Variants in MEIS1 observed in about 807,000 individuals in gnomAD.
MEIS1 encodes Meis homeobox 1.
Under a neutral mutation model 50.8 loss-of-function variants are expected in MEIS1, and 5 were observed. The ratio of observed to expected loss-of-function variants is 0.10; its 90% CI spans 0.05 to 0.21. The LOEUF is 0.21. Ranked by LOEUF, MEIS1 falls within the 10% of genes least tolerant of loss-of-function variation. The pLI, the probability that MEIS1 is intolerant of heterozygous loss-of-function variation, is 1.00. For missense variants in MEIS1, 318 were observed against 517.3 expected (o/e 0.61, Z 3.74); for synonymous variants, 176 against 179.3 (o/e 0.98, Z 0.15).
At chr2:66,438,496 T>C (rs1671858414) in intron 2 of MEIS1, among the ~76,000 whole-genome samples, 1 of 152,246 alleles carries the variant, frequency 6.6e-6, no homozygotes, top group African/African-American at 2.4e-5. Flanking sequence ...TTTAGGGAGT[T>C]TGACCACTGA....
At chr2:66,510,893 A>G (rs1335428128) in intron 7 of MEIS1, among the ~76,000 whole-genome samples, 1 of 152,210 alleles carries the variant, frequency 6.6e-6, no homozygotes, top group African/African-American at 2.4e-5. Flanking sequence ...TCATGAAGCC[A>G]TGGAAATGAA....
At chr2:66,553,733 T>C (rs1341183024) in intron 9 of MEIS1, among the ~76,000 whole-genome samples, 1 of 152,230 alleles carries the variant, frequency 6.6e-6, no homozygotes, top group African/African-American at 2.4e-5. Context: ...CAATCTTCTT[T>C]GAAAATGACT....
At chr2:66,549,079 T>C (rs190891409) in intron 9 of MEIS1, among the ~76,000 whole-genome samples, 201 of 152,310 alleles carry the variant, frequency 1.3e-3, no homozygotes, top group Non-Finnish European at 2.5e-3. Flanking sequence ...TGGGAGCCTT[T>C]GGGAGAGATT....
chr2:66,494,553 G>A (rs1187393089), intron 7 of MEIS1, among the ~76,000 whole-genome samples: 1 of 152,174 alleles, frequency 6.6e-6, no homozygotes, highest in Non-Finnish European at 1.5e-5. Flanking sequence ...TTATAGTCTG[G>A]TAGGAATGCT....
chr2:66,532,261 A>G (rs1473920519), intron 8 of MEIS1, among the ~76,000 whole-genome samples: 2 of 152,206 alleles, frequency 1.3e-5, no homozygotes, highest in African/African-American at 4.8e-5. Context: ...GAACAGGGAA[A>G]AAGAGGTCTA....
chr2:66,527,240 C>G (rs1312763445), intron 8 of MEIS1, among the ~76,000 whole-genome samples: 1 of 152,060 alleles, frequency 6.6e-6, no homozygotes, highest in Non-Finnish European at 1.5e-5. Flanking sequence ...GGAACTGGGA[C>G]AGAAAAGGTT....
At chr2:66,503,490 C>G (rs1005009965) in intron 7 of MEIS1, among the ~76,000 whole-genome samples, 12 of 152,218 alleles carry the variant, frequency 7.9e-5, no homozygotes, top group African/African-American at 2.9e-4. Context: ...GTTTCACACA[C>G]TCATAGATGT....
intron 5 of MEIS1, among the ~76,000 whole-genome samples, chr2:66,442,605 C>T (rs908365711): frequency 4.3e-4 from 65 of 152,150 alleles, no homozygotes; most frequent in African/African-American, 1.5e-3. Context: ...ATGTCACCTA[C>T]GCAGGTCACC....
At chr2:66,542,907 A>G (rs1052107081) in intron 8 of MEIS1, among the ~76,000 whole-genome samples, 6 of 152,220 alleles carry the variant, frequency 3.9e-5, no homozygotes, top group African/African-American at 1.4e-4. Flanking sequence ...ATTAAGGTGT[A>G]AAGCTGGATA....
At chr2:66,509,217 A>C in intron 7 of MEIS1, 1 of 358,746 alleles carries the variant, frequency 2.8e-6, no homozygotes, top group Non-Finnish European at 5.7e-6. Context: ...CAATTTATTA[A>C]AATCTATGAA....
chr2:66,440,645 C>T (rs763746688), intron 4 of MEIS1, 33 bp downstream of exon 4: 2 of 1,326,160 alleles, frequency 1.5e-6, no homozygotes, highest in Non-Finnish European at 2.1e-6. Context: ...CTCCCCCGCC[C>T]CCGACCCCCT....
intron 7 of MEIS1, among the ~76,000 whole-genome samples, chr2:66,469,192 A>G (rs1054075195): frequency 1.2e-5 from 1 of 82,106 alleles, no homozygotes; most frequent in African/African-American, 1.1e-4. Context: ...AGTACCACTT[A>G]AAAAAAAAAA....
chr2:66,480,748 T>C (rs971220661), intron 7 of MEIS1, among the ~76,000 whole-genome samples: 4 of 151,914 alleles, frequency 2.6e-5, no homozygotes, highest in Non-Finnish European at 4.4e-5. Flanking sequence ...GAAAGAAGAG[T>C]TCCACTCTCT....
chr2:66,437,636 G>A (rs1281068657), intron 1 of MEIS1, 101 bp from the exon 2 acceptor site: 2 of 998,960 alleles, frequency 2.0e-6, no homozygotes, highest in East Asian at 2.6e-5. Flanking sequence ...CCGGGTGGAA[G>A]GACCCAGCTG....
At chr2:66,541,196 C>T (rs898168780) in intron 8 of MEIS1, among the ~76,000 whole-genome samples, 1 of 151,860 alleles carries the variant, frequency 6.6e-6, no homozygotes, top group Non-Finnish European at 1.5e-5. Flanking sequence ...CACCACCATG[C>T]CCAGCTAATT....
In MEIS1 at chr2:66,440,550, A is replaced by G; in HGVS notation, c.382-12A>G. On this transcript the variant is annotated splice_polypyrimidine_tract_variant and intron_variant, in intron 3 of 12. Transcript: ENST00000272369. Reference sequence around the variant, plus strand: ...CCCCTCCCTCTCCCCTCTCCTTCTCACTTGTATTTAGATTCGCGCAGAAAA... The same window carrying G: ...CCCCTCCCTCTCCCCTCTCCTTCTCGCTTGTATTTAGATTCGCGCAGAAAA... 4 of 1,608,532 alleles carry G rather than the reference A, an allele frequency of 2.5e-6. No individual in the cohort carries two copies. Among genetic ancestry groups the G allele is most frequent in the Non-Finnish European group, 3.4e-6 (4 of 1,177,326 alleles).
intron 7 of MEIS1, among the ~76,000 whole-genome samples, chr2:66,473,397 A>AAAAAAAAAAAAAAAAATATATATAT: frequency 3.7e-5 from 4 of 107,608 alleles, no homozygotes; most frequent in African/African-American, 1.8e-4. Context: ...AAAAAAAAAA[A>AAAAAAAAAAAAAAAAATATATATAT]ATATATATAT....
chr2:66,471,496 T>C (rs1672759366), intron 7 of MEIS1, among the ~76,000 whole-genome samples: 1 of 152,238 alleles, frequency 6.6e-6, no homozygotes, highest in Non-Finnish European at 1.5e-5. Flanking sequence ...GTTGTTGCTG[T>C]CATTTTTTAA....
At chr2:66,442,542 TAG>T (rs1383927324) in intron 5 of MEIS1, among the ~76,000 whole-genome samples, 1 of 152,140 alleles carries the variant, frequency 6.6e-6, no homozygotes, top group East Asian at 1.9e-4. Flanking sequence ...TTAGACACAT[TAG>T]AAAGGGATTT....
Sources: allele counts gnomAD v4.1 joint callset (sites outside exome capture counted in the v4.1 genomes callset), GRCh38; gene constraint gnomAD v4.1.1; transcripts MANE v1.5; gene names NCBI Gene and HGNC (gene_info 2026-07-23, HGNC 2026-07-21).